MARCHF1: variants seen among roughly 807,000 people sequenced by gnomAD.
MARCHF1 encodes E3 ubiquitin-protein ligase MARCHF1.
MARCHF1 carries 40 observed loss-of-function variants against 54.2 expected under a neutral mutation model. That is an observed-to-expected ratio of 0.74 (90% CI 0.57 to 0.96). The LOEUF is 0.96. MARCHF1 is among the 40% of genes least tolerant of loss of function. MARCHF1 has a pLI of 0.00. For missense variants in MARCHF1, 586 were observed against 656.5 expected (o/e 0.89, Z 1.17); for synonymous variants, 236 against 236.3 (o/e 1.00, Z 0.01).
At chr4:163,708,519 C>T (rs1337008111) in intron 4 of MARCHF1, among the ~76,000 whole-genome samples, 2 of 152,066 alleles carry the variant, frequency 1.3e-5, no homozygotes, top group African/African-American at 2.4e-5. Context: ...TTGAAAATAT[C>T]ATGCAGTCAT....
rs533428487 is a variant in MARCHF1, at chr4:163,911,642, G to A, written c.-38-57473C>T. 6.6e-4 allele frequency among the ~76,000 whole-genome samples: 101 copies of A among 152,164 alleles called. 1 individual carries two copies. Among genetic ancestry groups the A allele is most frequent in the African/African-American group, 2.3e-3 (95 of 41,506 alleles). On this transcript the variant is annotated intron_variant, in intron 3 of 9. Coordinates refer to ENST00000514618, the MANE Select transcript of MARCHF1 (RefSeq NM_001394959.1). ...AAATTCTTATGTTGAAGTCCTAACC[G>A]CCAGTACCTCAGAATGTGACTGTAT...
chr4:164,026,265 T>C (rs553989654), intron 2 of MARCHF1, among the ~76,000 whole-genome samples: 3 of 152,156 alleles, frequency 2.0e-5, no homozygotes, highest in Admixed American at 6.6e-5. Context: ...TACCAAAATC[T>C]GGCAGAGACA....
chr4:163,631,197 C>G (rs1742064472), intron 5 of MARCHF1, among the ~76,000 whole-genome samples: 1 of 151,056 alleles, frequency 6.6e-6, no homozygotes, highest in Non-Finnish European at 1.5e-5. Context: ...AAATAAGTTG[C>G]AGAACTTTTT....
chr4:163,612,363 C>T lies in MARCHF1; in HGVS notation c.918G>A (p.Lys306=). 2.0e-6 allele frequency: 3 copies of T among 1,535,414 alleles called. No homozygotes were observed. The highest frequency in any genetic ancestry group is 1.7e-6 in the Non-Finnish European group (2 of 1,146,440). The part of the protein sequence containing the change: ...TEILGVPEGS[K]DMNDAGLQVN... ...CCTGGAGCCCTGCATCATTCATGTC[C>T]TTGCTGCCTTCTGGAACTCCCAGTA... Residue 306 remains lysine (K), a synonymous_variant, in exon 7 of 10, where the codon AAG becomes AAA. Transcript: ENST00000514618.
intron 4 of MARCHF1, among the ~76,000 whole-genome samples, chr4:163,818,603 G>A (rs1387129135): frequency 6.6e-6 from 1 of 152,034 alleles, no homozygotes; most frequent in Non-Finnish European, 1.5e-5. Flanking sequence ...CCTGAACCCA[G>A]CCTTTTATCT....
intron 2 of MARCHF1, among the ~76,000 whole-genome samples, chr4:164,029,920 T>C (rs1753843262): frequency 6.6e-6 from 1 of 152,210 alleles, no homozygotes; most frequent in Non-Finnish European, 1.5e-5. Flanking sequence ...TTAAACTTTG[T>C]GTTCTATGAA....
intron 1 of MARCHF1, among the ~76,000 whole-genome samples, chr4:164,358,447 G>A (rs921438212): frequency 2.6e-5 from 4 of 152,138 alleles, no homozygotes; most frequent in African/African-American, 7.2e-5. Flanking sequence ...AGTTTGAGAA[G>A]AAAACTGATA....
intron 2 of MARCHF1, among the ~76,000 whole-genome samples, chr4:163,989,899 A>C (rs1407539907): frequency 6.6e-6 from 1 of 152,184 alleles, no homozygotes; most frequent in African/African-American, 2.4e-5. Context: ...CCTCGTTTTT[A>C]TATACTCAAG....
chr4:163,934,620 G>C (rs1240804960), intron 3 of MARCHF1, among the ~76,000 whole-genome samples: 2 of 139,888 alleles, frequency 1.4e-5, no homozygotes, highest in Non-Finnish European at 3.1e-5. Flanking sequence ...CTCCACATCT[G>C]TTCAAGTGTG....
intron 4 of MARCHF1, among the ~76,000 whole-genome samples, chr4:163,739,206 T>C (rs957628158): frequency 6.6e-6 from 1 of 152,166 alleles, no homozygotes; most frequent in African/African-American, 2.4e-5. Flanking sequence ...TATCAACACA[T>C]TGAGTGGTGA....
intron 1 of MARCHF1, among the ~76,000 whole-genome samples, chr4:164,176,644 T>C (rs1047157223): frequency 6.6e-6 from 1 of 152,062 alleles, no homozygotes; most frequent in Non-Finnish European, 1.5e-5. Context: ...GAATCTAAGA[T>C]GCAGCTTTTC....
At chr4:164,149,919 G>T (rs1034676652) in intron 1 of MARCHF1, among the ~76,000 whole-genome samples, 4 of 152,068 alleles carry the variant, frequency 2.6e-5, no homozygotes, top group African/African-American at 9.7e-5. Flanking sequence ...CTCATTCAGG[G>T]CTGGCCCACA....
intron 4 of MARCHF1, among the ~76,000 whole-genome samples, chr4:163,835,881 T>C (rs1427529144): frequency 6.6e-6 from 1 of 151,940 alleles, no homozygotes; most frequent in Admixed American, 6.6e-5. Context: ...TGTTTTTTTC[T>C]TTCTTTATTA....
At chr4:164,046,176 G>A (rs925857672) in intron 2 of MARCHF1, among the ~76,000 whole-genome samples, 2 of 152,236 alleles carry the variant, frequency 1.3e-5, no homozygotes, top group South Asian at 2.1e-4. Context: ...AGTATCAAAT[G>A]TTTGGTAATG....
rs1750221302 is a variant in MARCHF1 at position 163,873,367 on chromosome 4, C to G, written c.-38-19198G>C. Among the ~76,000 whole-genome samples, 3 of 152,326 alleles carry G rather than the reference C, an allele frequency of 2.0e-5. No homozygotes were observed. In the South Asian group the frequency reaches 6.2e-4, roughly 32 times the overall value. On this transcript the variant is annotated intron_variant, in intron 3 of 9. Coordinates refer to ENST00000514618, the MANE Select transcript of MARCHF1 (RefSeq NM_001394959.1). The stretch of plus-strand genomic sequence containing the variant: ...TCAATTATCTGCCACTCCAGACTTC[C>G]TTAGCCCCTGAACCTTGGCCATTTT...
rs899975372 is a variant in MARCHF1, at chr4:163,526,260, C to T, written c.*2488G>A. 5 of 151,974 alleles carry T rather than the reference C, an allele frequency of 3.3e-5. No homozygotes were observed. The highest frequency in any genetic ancestry group is 9.7e-5 in the African/African-American group (4 of 41,398). The allele number at this position is 151,974 out of a possible 1,614,324, so 9.4% of individuals were successfully genotyped here. A position where few individuals can be genotyped will look rare whatever the true frequency, so the allele number is the denominator to read the frequency against. ...TTAATAAATGAGGCTTTATTTTAGC[C>T]GATCATCCTCCACTGTGAAATCAGC... is the stretch of plus-strand genomic sequence containing the variant. On this transcript the variant is annotated 3_prime_UTR_variant, in exon 10 of 10. Transcript: ENST00000514618.
intron 1 of MARCHF1, among the ~76,000 whole-genome samples, chr4:164,150,100 T>A (rs1052624281): frequency 2.0e-5 from 3 of 152,182 alleles, no homozygotes; most frequent in Non-Finnish European, 4.4e-5. Flanking sequence ...ACTGTTAGGT[T>A]TTATGTGCAC....
chr4:163,864,648 G>C (rs1027027915), intron 3 of MARCHF1, among the ~76,000 whole-genome samples: 8 of 151,764 alleles, frequency 5.3e-5, no homozygotes, highest in Non-Finnish European at 7.4e-5. Context: ...GAGTATATGG[G>C]AACTCCTTGC....
chr4:163,599,326 T>G (rs780630612), intron 7 of MARCHF1, among the ~76,000 whole-genome samples: 7 of 151,430 alleles, frequency 4.6e-5, no homozygotes, highest in Non-Finnish European at 1.0e-4. Flanking sequence ...TTATTTTACT[T>G]TTTAAACATT....
Sources: gnomAD v4.1 joint callset for allele counts (sites outside exome capture counted in the v4.1 genomes callset) on GRCh38, gnomAD v4.1.1 for gene constraint, MANE v1.5 for transcripts, NCBI Gene and HGNC (gene_info 2026-07-23, HGNC 2026-07-21) for gene names.